Variants in DNAJB11 observed in about 807,000 individuals in gnomAD.
DNAJB11 encodes the protein dnaJ homolog subfamily B member 11.
DNAJB11 carries 30 observed loss-of-function variants against 47.2 expected under a neutral mutation model. The ratio of observed to expected loss-of-function variants is 0.64; its 90% CI spans 0.48 to 0.86. The LOEUF is 0.86. Among genes scored for constraint, DNAJB11 ranks in the 40% least tolerant of loss-of-function variants. The pLI is 0.00. For synonymous variants in DNAJB11, 151 were observed against 159.9 expected, an observed-to-expected ratio of 0.94 and a Z score of 0.42; for missense variants, 357 against 440.2, an observed-to-expected ratio of 0.81 and a Z score of 1.69.
intron 4 of DNAJB11, chr3:186,580,516 CAT>C (rs1419100158): frequency 2.6e-5 from 4 of 152,200 alleles, no homozygotes; most frequent in Non-Finnish European, 5.9e-5. Flanking sequence ...GTACCTGTCT[CAT>C]AGAGTTGTGA....
intron 4 of DNAJB11, chr3:186,580,319 T>G (rs1715441192): frequency 6.6e-6 from 1 of 152,224 alleles, no homozygotes; most frequent in African/African-American, 2.4e-5. Context: ...GTATGTAAAT[T>G]ATTTTTTAAA....
In DNAJB11 at chr3:186,572,366, G is replaced by A. The variant is rs2010555; in HGVS notation, c.225+115G>A. ...TTATTTATTTATTTATTTATTTTGA[G>A]ACTGAGTCTCTATTGCCTAGGCTGG... On this transcript the variant is annotated intron_variant, in intron 2 of 9. Transcript: ENST00000265028. 217,164 of 1,076,456 alleles carry A rather than the reference G, an allele frequency of 0.2. 25,673 individuals carry two copies. Among genetic ancestry groups the A allele is most frequent in the African/African-American group, 0.48 (30,162 of 62,658 alleles). 66.7% of individuals were successfully genotyped at this position (1,076,456 alleles called of 1,614,324 possible).
At chr3:186,578,009 C>A in intron 4 of DNAJB11, 1 of 345,028 alleles carries the variant, frequency 2.9e-6, no homozygotes, top group Non-Finnish European at 5.2e-6. Context: ...AAAACATTAC[C>A]ATGACTTAAT....
In DNAJB11 at chr3:186,572,203, T is replaced by C. The variant is rs1217010413; in HGVS notation, c.177T>C (p.Asp59=). Residue 59 remains aspartate (D), a synonymous_variant, in exon 2 of 10, where the codon GAT becomes GAC. Transcript: ENST00000265028. ...ALQLHPDRNP[D]DPQAQEKFQD... ...AGCTTCATCCCGACCGGAACCCTGA[T>C]GATCCACAAGCCCAGGAGAAATTCC... 6.2e-7 allele frequency: 1 copy of C among 1,613,952 alleles called. No homozygotes were observed. The highest frequency in any genetic ancestry group is 1.1e-5 in the South Asian group (1 of 91,056).
intron 3 of DNAJB11, among the ~76,000 whole-genome samples, chr3:186,577,350 A>G (rs1715334092): frequency 6.6e-6 from 1 of 152,174 alleles, no homozygotes; most frequent in Admixed American, 6.5e-5. Flanking sequence ...TTGAAAGATT[A>G]TTATTTCATT....
rs773690271 is a variant in DNAJB11, at chr3:186,582,758, G to A, written c.725G>A (p.Arg242Gln). 9 of 1,585,344 alleles carry A rather than the reference G, an allele frequency of 5.7e-6. No homozygotes were observed. The highest frequency in any genetic ancestry group is 4.6e-5 in the South Asian group (4 of 86,866). ...GGGGAGCCTGGAGATTTACGGTTCCGAATCAAAGTTGTCAAGTAAGTAATC... is the reference window on the plus strand; with the variant it reads ...GGGGAGCCTGGAGATTTACGGTTCCAAATCAAAGTTGTCAAGTAAGTAATC... ...VDGEPGDLRFRIKVVKHPIFE... is the reference protein window; with the variant it reads ...VDGEPGDLRFQIKVVKHPIFE... Residue 242 changes from arginine (R) to glutamine (Q), a missense_variant, in exon 7 of 10, where the codon CGA becomes CAA. Physicochemically the swap from Arg to Gln is conservative, Grantham distance 43 (BLOSUM62 1). Transcript: ENST00000265028.
intron 9 of DNAJB11, 70 bp from the exon 10 acceptor site, chr3:186,585,274 A>C: frequency 7.7e-7 from 1 of 1,291,662 alleles, no homozygotes; most frequent in Non-Finnish European, 1.1e-6. Flanking sequence ...TTTTCTTGAA[A>C]TATGCTCTTT....
rs1206765597 is a variant in DNAJB11, at chr3:186,585,486, T to G, written c.*78T>G. Reference sequence around the variant, plus strand: ...ATCTGCAAGGTTTTTTTGTGTGTGTTTTTGTTTTTATTTTCAATATGCAAG... The same window carrying G: ...ATCTGCAAGGTTTTTTTGTGTGTGTGTTTGTTTTTATTTTCAATATGCAAG... On this transcript the variant is annotated 3_prime_UTR_variant, in exon 10 of 10. Transcript: ENST00000265028. 1.7e-6 allele frequency: 2 copies of G among 1,193,576 alleles called. No individual in the cohort carries two copies. Among genetic ancestry groups the G allele is most frequent in the Admixed American group, 2.3e-5 (1 of 44,154 alleles). 73.9% of individuals were successfully genotyped at this position (1,193,576 alleles called of 1,614,324 possible). A position where few individuals can be genotyped will look rare whatever the true frequency, so the allele number is the denominator to read the frequency against.
chr3:186,571,061 A>C, intron 1 of DNAJB11, 96 bp downstream of exon 1: 1 of 1,096,140 alleles, frequency 9.1e-7, no homozygotes, highest in Non-Finnish European at 1.3e-6. Flanking sequence ...AGACTGACGG[A>C]GTGGAGAGGG....
intron 9 of DNAJB11, 99 bp from the exon 10 acceptor site, chr3:186,585,245 A>G: frequency 1.1e-6 from 1 of 896,184 alleles, no homozygotes; most frequent in African/African-American, 1.7e-5. Flanking sequence ...CATGTTTGTC[A>G]TAAGGCCTTT....
intron 1 of DNAJB11, among the ~76,000 whole-genome samples, chr3:186,571,493 G>A (rs1361895648): frequency 6.6e-6 from 1 of 152,204 alleles, no homozygotes; most frequent in East Asian, 1.9e-4. Context: ...GATGATGCCA[G>A]CCCGAGTTGG....
rs746614553 is a variant in DNAJB11, at chr3:186,581,423, A to G, written c.509A>G (p.Asn170Ser). 3.7e-6 allele frequency: 6 copies of G among 1,613,844 alleles called. No individual in the cohort carries two copies. The highest frequency in any genetic ancestry group is 1.7e-5 in the Admixed American group (1 of 59,966). ...ARQAPGKRKC[N>S]CRQEMRTTQL... ...CAGGCTCCTGGCAAACGGAAGTGCA[A>G]TTGTCGGCAAGAGATGCGGACCACC... Residue 170 changes from asparagine to serine, a missense_variant, in exon 5 of 10, where the codon AAT (asparagine) becomes AGT (serine). Transcript: ENST00000265028.
At position 186,581,212 on chromosome 3, in the gene DNAJB11, A is replaced by T. The variant is rs1478451301; in HGVS notation, c.457-159A>T. 4 of 731,474 alleles carry T rather than the reference A, an allele frequency of 5.5e-6. No homozygotes were observed. In the Admixed American group the frequency reaches 9.6e-5, roughly 18 times the overall value. 45.3% of individuals were successfully genotyped at this position (731,474 alleles called of 1,614,324 possible). A position where few individuals can be genotyped will look rare whatever the true frequency, so the allele number is the denominator to read the frequency against. ...CATTCCTGTTTGGGGGCTGATTTGT[A>T]CTCTTCAAAGAGTTTTGTCAGCTTT... is the stretch of plus-strand genomic sequence containing the variant. On this transcript the variant is annotated intron_variant, in intron 4 of 9. Transcript: ENST00000265028.
In DNAJB11 at chr3:186,570,958, A is replaced by G. The variant is rs1284710194; in HGVS notation, c.61A>G (p.Ile21Val). Residue 21 changes from isoleucine (I) to valine (V), a missense_variant, in exon 1 of 10, where the codon ATT becomes GTT. Transcript: ENST00000265028. ...GCTGCTATACCTCATCGGGGCGGTG[A>G]TTGCCGGGTGAGGAACAGACACTCG... ...LLLLYLIGAV[I>V]AGRDFYKILG... 3 of 1,382,338 alleles carry G rather than the reference A, an allele frequency of 2.2e-6. No homozygotes were observed. The highest frequency in any genetic ancestry group is 1.5e-5 in the African/African-American group (1 of 65,504). The allele number at this position is 1,382,338 out of a possible 1,614,324, so 85.6% of individuals were successfully genotyped here.
At chr3:186,571,073 C>A in intron 1 of DNAJB11, 108 bp downstream of exon 1, 1 of 1,041,692 alleles carries the variant, frequency 9.6e-7, no homozygotes, top group Non-Finnish European at 1.4e-6. Context: ...TGGAGAGGGG[C>A]ATCGCTGTGG....
At position 186,583,934 on chromosome 3, in the gene DNAJB11, G is replaced by A; in HGVS notation, c.810G>A (p.Leu270=). 6.2e-7 allele frequency: 1 copy of A among 1,613,814 alleles called. No individual in the cohort carries two copies. The highest frequency in any genetic ancestry group is 1.3e-5 in the African/African-American group (1 of 75,048). Residue 270 remains leucine (L), a synonymous_variant, in exon 8 of 10, where the codon CTG becomes CTA. Transcript: ENST00000265028. ...TNVTISLVES[L]VGFEMDITHL... ...TGACAATCTCATTAGTTGAGTCACT[G>A]GTTGGCTTTGAGATGGATATTACTC...
intron 3 of DNAJB11, among the ~76,000 whole-genome samples, chr3:186,576,422 T>C (rs1240084954): frequency 6.6e-6 from 1 of 152,168 alleles, no homozygotes; most frequent in Admixed American, 6.5e-5. Context: ...GCTGGGTGGT[T>C]GGAATAATAA....
In DNAJB11 at chr3:186,583,937, T is replaced by G. The variant is rs1715574300; in HGVS notation, c.813T>G (p.Val271=). 6.2e-7 allele frequency: 1 copy of G among 1,613,720 alleles called. No individual in the cohort carries two copies. The highest frequency in any genetic ancestry group is 1.7e-5 in the Admixed American group (1 of 60,006). The change falls in exon 8 of 10, where the codon GTT becomes GTG. Residue 271 remains valine (V), a synonymous_variant. Coordinates refer to ENST00000265028, the MANE Select transcript of DNAJB11 (RefSeq NM_016306.6). ...NVTISLVESL[V]GFEMDITHLD... is the part of the protein sequence containing the mutation. Reference sequence around the variant, plus strand: ...CAATCTCATTAGTTGAGTCACTGGTTGGCTTTGAGATGGATATTACTCACT... The same window carrying G: ...CAATCTCATTAGTTGAGTCACTGGTGGGCTTTGAGATGGATATTACTCACT...
rs1459862392 is a variant in DNAJB11, at chr3:186,570,749, G to A, written c.-149G>A. 4 of 697,970 alleles carry A rather than the reference G, an allele frequency of 5.7e-6. No individual in the cohort carries two copies. The highest frequency in any genetic ancestry group is 3.7e-5 in the African/African-American group (2 of 54,010). The allele number at this position is 697,970 out of a possible 1,614,324, so 43.2% of individuals were successfully genotyped here. ...CCGGGAAGTGGACCGGCAGAAGAGG[G>A]GGCTAGCTAGCTGTCTCTGCGGACC... On this transcript the variant is annotated 5_prime_UTR_variant, in exon 1 of 10. Transcript: ENST00000265028.
Sources: gnomAD v4.1 joint callset for allele counts (sites outside exome capture counted in the v4.1 genomes callset) on GRCh38, gnomAD v4.1.1 for gene constraint, MANE v1.5 for transcripts, NCBI Gene and HGNC (gene_info 2026-07-23, HGNC 2026-07-21) for gene names.